The following CHPF2 variants were observed in gnomAD, a reference collection of about 807,000 sequenced individuals.
The protein encoded by CHPF2 is chondroitin polymerizing factor 2, also known as chondroitin polymerizing factor 2, non-catalytic subunit.
CHPF2 carries 58 observed loss-of-function variants against 63.0 expected under a neutral mutation model. The observed-to-expected ratio is 0.92, with a 90% confidence interval of 0.75 to 1.15. CHPF2 has a LOEUF of 1.15. Among genes scored for constraint, CHPF2 ranks in the 50% most tolerant of loss-of-function variants. The pLI is 0.00. For synonymous variants in CHPF2, 442 were observed against 438.0 expected, an observed-to-expected ratio of 1.01 and a Z score of -0.11; for missense variants, 1,045 against 1,035.4, an observed-to-expected ratio of 1.01 and a Z score of -0.13.
Position 151,234,114 on chromosome 7 carries a change from C to T in CHPF2, c.103C>T (p.Gln35Ter). Reference sequence around the variant, plus strand: ...GAGCCTCCTGCGGGTTTCCTGGATCCAGGGGGAGGGAGAAGATCCCTGTGT... The same window carrying T: ...GAGCCTCCTGCGGGTTTCCTGGATCTAGGGGGAGGGAGAAGATCCCTGTGT... ...SLSLLRVSWIQGEGEDPCVEA... is the reference protein window; with the variant it reads ...SLSLLRVSWI Residue 35 changes from glutamine (Q) to a stop codon, truncating the protein, a stop_gained, in exon 1 of 4, where the codon CAG becomes TAG. Transcript: ENST00000035307. LOFTEE classifies it high-confidence loss of function. 1 of 1,610,878 alleles carries T rather than the reference C, an allele frequency of 6.2e-7. No individual in the cohort carries two copies. Among genetic ancestry groups the T allele is most frequent in the Admixed American group, 1.7e-5 (1 of 59,582 alleles).
intron 2 of CHPF2, among the ~76,000 whole-genome samples, chr7:151,236,040 T>C (rs1802635466): frequency 6.6e-6 from 1 of 152,166 alleles, no homozygotes; most frequent in African/African-American, 2.4e-5. Flanking sequence ...AACCAAAGTA[T>C]TGGGAGGATT....
At position 151,233,098 on chromosome 7, in the gene CHPF2, G is replaced by A; in HGVS notation, c.-914G>A. On this transcript the variant is annotated 5_prime_UTR_variant, in exon 1 of 4. Transcript: ENST00000035307. ...GACCCTGGCATTGTCTCTAGTTGCT[G>A]CTTGTGCTCTCTCTTTGCTTTTGGT... 3.3e-6 allele frequency: 4 copies of A among 1,205,298 alleles called. No individual in the cohort carries two copies. Among genetic ancestry groups the A allele is most frequent in the Non-Finnish European group, 4.1e-6 (4 of 969,032 alleles). 74.7% of individuals were successfully genotyped at this position (1,205,298 alleles called of 1,614,324 possible). A position where few individuals can be genotyped will look rare whatever the true frequency, so the allele number is the denominator to read the frequency against.
At chr7:151,236,945 T>C in intron 3 of CHPF2, 2 of 524,540 alleles carry the variant, frequency 3.8e-6, no homozygotes, top group Non-Finnish European at 7.3e-6. Context: ...CTGAAGTTTC[T>C]TTACTTCTAG....
Position 151,233,030 on chromosome 7 carries a change from G to A in CHPF2, c.-982G>A, listed in dbSNP as rs1802517606. On this transcript the variant is annotated 5_prime_UTR_variant, in exon 1 of 4. Coordinates refer to ENST00000035307, the MANE Select transcript of CHPF2 (RefSeq NM_019015.3). Reference sequence around the variant, plus strand: ...CGCAGGGGCTGTGGGCCCCCGGCAGGGGTCCTGTCGGAAGCTGGCCGCGCT... The same window carrying A: ...CGCAGGGGCTGTGGGCCCCCGGCAGAGGTCCTGTCGGAAGCTGGCCGCGCT... The A allele has an allele frequency of 7.9e-7, 1 of 1,262,310 alleles. No homozygotes were observed. Among genetic ancestry groups the A allele is most frequent in the East Asian group, 3.2e-5 (1 of 31,400 alleles). 78.2% of individuals were successfully genotyped at this position (1,262,310 alleles called of 1,614,324 possible). A position where few individuals can be genotyped will look rare whatever the true frequency, so the allele number is the denominator to read the frequency against.
At position 151,238,614 on chromosome 7, in the gene CHPF2, A is replaced by T. The variant is rs780617951; in HGVS notation, c.2252A>T (p.Glu751Val). 17 of 1,612,154 alleles carry T rather than the reference A, an allele frequency of 1.1e-5. No individual in the cohort carries two copies. The highest frequency in any genetic ancestry group is 1.6e-4 in the Middle Eastern group (1 of 6,062). The change falls in exon 4 of 4, where the codon GAG (glutamate) becomes GTG (valine). Residue 751 changes from glutamate to valine, a missense_variant. Coordinates refer to ENST00000035307, the MANE Select transcript of CHPF2 (RefSeq NM_019015.3). ...LYHRCRLSNL[E>V]GLGGRAQLAM... ...CACCGCTGCCGCCTCAGCAACCTGG[A>T]GGGGCTAGGGGGCCGTGCCCAGCTG...
At chr7:151,234,352 C>A in intron 1 of CHPF2, 78 bp downstream of exon 1, 1 of 1,154,696 alleles carries the variant, frequency 8.7e-7, no homozygotes, top group Admixed American at 3.0e-5. Flanking sequence ...TCTGCCTTTC[C>A]ATTGGCAATC....
Position 151,237,852 on chromosome 7 carries a change from T to G in CHPF2, c.1490T>G (p.Val497Gly). 6.2e-7 allele frequency: 1 copy of G among 1,612,674 alleles called. No individual in the cohort carries two copies. Among genetic ancestry groups the G allele is most frequent in the Admixed American group, 1.7e-5 (1 of 60,016 alleles). The change falls in exon 4 of 4, where the codon GTG becomes GGG. Residue 497 changes from valine (V) to glycine (G), a missense_variant. By Grantham distance (109) the Val-to-Gly change is moderately radical. Transcript: ENST00000035307. ...GTGCAGCTGGTGCTGCCACTCCTGG[T>G]GGCTGAAGCTGCTGCAGCCCCGGCT... is the stretch of plus-strand genomic sequence containing the variant. ...TRVQLVLPLLVAEAAAAPAFL... is the reference protein window; with the variant it reads ...TRVQLVLPLLGAEAAAAPAFL...
chr7:151,236,813 C>G (rs879233539), intron 3 of CHPF2: 15 of 595,462 alleles, frequency 2.5e-5, no homozygotes, highest in African/African-American at 2.4e-4. Flanking sequence ...CCCAGCACAA[C>G]TTGAATGCAG....
chr7:151,237,634 C>T lies in CHPF2; in HGVS notation c.1272C>T (p.Phe424=). ...LNRRYQPRLR[F]QKQRLLNGYR... Reference sequence around the variant, plus strand: ...GGCGCTATCAGCCCCGCCTGCGCTTCCAGAAGCAGCGACTGCTCAACGGCT... The same window carrying T: ...GGCGCTATCAGCCCCGCCTGCGCTTTCAGAAGCAGCGACTGCTCAACGGCT... Residue 424 remains phenylalanine, a synonymous_variant, in exon 4 of 4, where the codon TTC becomes TTT. Coordinates refer to ENST00000035307, the MANE Select transcript of CHPF2 (RefSeq NM_019015.3). 1 of 1,613,430 alleles carries T rather than the reference C, an allele frequency of 6.2e-7. No homozygotes were observed. The highest frequency in any genetic ancestry group is 8.5e-7 in the Non-Finnish European group (1 of 1,179,946).
chr7:151,235,273 C>T lies in CHPF2; in HGVS notation c.489C>T (p.Thr163=), dbSNP rs779992548. 5.6e-6 allele frequency: 9 copies of T among 1,613,610 alleles called. No homozygotes were observed. The East Asian group carries it at 2.0e-4, about 36-fold the overall frequency. ...GGCCCGCCTGGCTCATGTCAGAGAC[C>T]CTGCGCCACCTTCACACACACTTTG... ...DERPAWLMSE[T]LRHLHTHFGA... is the part of the protein sequence containing the mutation. Residue 163 remains threonine, a synonymous_variant, in exon 2 of 4, where the codon ACC becomes ACT. Transcript: ENST00000035307.
At chr7:151,234,365 C>T (rs1802564712) in intron 1 of CHPF2, 91 bp downstream of exon 1, 27 of 989,926 alleles carry the variant, frequency 2.7e-5, no homozygotes, top group South Asian at 8.3e-5. Context: ...TGGCAATCGG[C>T]GTCGGGCGAC....
Position 151,238,762 on chromosome 7 carries a change from T to G in CHPF2, c.*81T>G. On this transcript the variant is annotated 3_prime_UTR_variant, in exon 4 of 4. Transcript: ENST00000035307. ...AGGGCAAGGCAAGATGGTGGACAGA[T>G]AGAGAATTGTTGCTGTATTTTTTAA... is the stretch of plus-strand genomic sequence containing the variant. 1 of 1,589,064 alleles carries G rather than the reference T, an allele frequency of 6.3e-7. No individual in the cohort carries two copies. Among genetic ancestry groups the G allele is most frequent in the Non-Finnish European group, 8.5e-7 (1 of 1,170,844 alleles).
In CHPF2 at chr7:151,236,865, C is replaced by T. The variant is rs112310377; in HGVS notation, c.1011+275C>T. On this transcript the variant is annotated intron_variant, in intron 3 of 3. Coordinates refer to ENST00000035307, the MANE Select transcript of CHPF2 (RefSeq NM_019015.3). ...GTAGACTCTGAGGATCAGGAAGCTC[C>T]GCACAGTGTTCAGACAGAATAGTTT... 194 of 584,326 alleles carry T rather than the reference C, an allele frequency of 3.3e-4. 1 individual carries two copies. The highest frequency in any genetic ancestry group is 1.7e-3 in the Middle Eastern group (6 of 3,608). 36.2% of individuals were successfully genotyped at this position (584,326 alleles called of 1,614,324 possible). A position where few individuals can be genotyped will look rare whatever the true frequency, so the allele number is the denominator to read the frequency against.
Position 151,234,157 on chromosome 7 carries a change from G to A in CHPF2, c.146G>A (p.Arg49Gln), listed in dbSNP as rs765312140. Reference sequence around the variant, plus strand: ...CCCTGTGTCGAGGCTGTAGGGGAGCGAGGAGGGCCACAGAATCCAGATTCC... The same window carrying A: ...CCCTGTGTCGAGGCTGTAGGGGAGCAAGGAGGGCCACAGAATCCAGATTCC... ...EDPCVEAVGERGGPQNPDSRA... is the reference protein window; with the variant it reads ...EDPCVEAVGEQGGPQNPDSRA... The change falls in exon 1 of 4, where the codon CGA becomes CAA. Residue 49 changes from arginine (R) to glutamine (Q), a missense_variant. Arg to Gln is a conservative substitution (Grantham distance 43). Transcript: ENST00000035307. 3.1e-6 allele frequency: 5 copies of A among 1,613,568 alleles called. No homozygotes were observed. The Admixed American group carries it at 6.7e-5, about 22-fold the overall frequency.
Position 151,237,697 on chromosome 7 carries a change from C to T in CHPF2, c.1335C>T (p.Thr445=), listed in dbSNP as rs774074910. The T allele has an allele frequency of 2.9e-5, 47 of 1,612,922 alleles. No individual in the cohort carries two copies. Among genetic ancestry groups the T allele is most frequent in the Non-Finnish European group, 3.8e-5 (45 of 1,179,928 alleles). The change falls in exon 4 of 4, where the codon ACC becomes ACT. Residue 445 remains threonine, a synonymous_variant. Transcript: ENST00000035307. ...ACCCAGCACGGGGCATGGAGTACAC[C>T]CTGGACCTGCTGTTGGAATGTGTGA... ...RFDPARGMEY[T]LDLLLECVTQ...
In CHPF2 at chr7:151,238,320, A is replaced by T; in HGVS notation, c.1958A>T (p.Asp653Val). Residue 653 changes from aspartate (D) to valine (V), a missense_variant, in exon 4 of 4, where the codon GAC becomes GTC. By Grantham distance (152) the Asp-to-Val change is radical. Transcript: ENST00000035307. ...GACCCCCCCTCCCCTCCTGGTGCTGACCCCTCCCGGGGGGCTCCTATAGGG... is the reference window on the plus strand; with the variant it reads ...GACCCCCCCTCCCCTCCTGGTGCTGTCCCCTCCCGGGGGGCTCCTATAGGG... The part of the protein sequence containing the change: ...GPDPPSPPGA[D>V]PSRGAPIGGR... The T allele has an allele frequency of 6.2e-7, 1 of 1,606,600 alleles. No homozygotes were observed. The highest frequency in any genetic ancestry group is 8.5e-7 in the Non-Finnish European group (1 of 1,176,426).
Position 151,232,890 on chromosome 7 carries a change from C to CT in CHPF2, c.-1120dup. On this transcript the variant is annotated 5_prime_UTR_variant, in exon 1 of 4. It removes the in-frame stop codon of an upstream open reading frame in the 5' UTR. Transcript: ENST00000035307. ...GACCCGAGCTGGTCTCCCGAGCCCC[C>CT]TTCTCAGCAGCCCGGTGACGTGGCC... The CT allele has an allele frequency of 7.2e-6, 10 of 1,382,638 alleles. No homozygotes were observed. The highest frequency in any genetic ancestry group is 9.3e-6 in the Non-Finnish European group (10 of 1,073,050). The allele number at this position is 1,382,638 out of a possible 1,614,324, so 85.6% of individuals were successfully genotyped here. A position where few individuals can be genotyped will look rare whatever the true frequency, so the allele number is the denominator to read the frequency against.
Position 151,236,398 on chromosome 7 carries a change from G to A in CHPF2, c.829-10G>A, listed in dbSNP as rs757528109. 2.6e-6 allele frequency: 4 copies of A among 1,557,806 alleles called. No individual in the cohort carries two copies. In the Admixed American group the frequency reaches 7.4e-5, roughly 29 times the overall value. On this transcript the variant is annotated splice_polypyrimidine_tract_variant and intron_variant, in intron 2 of 3. Coordinates refer to ENST00000035307, the MANE Select transcript of CHPF2 (RefSeq NM_019015.3). The stretch of plus-strand genomic sequence containing the variant: ...GTGTGTGTCATTGATTGGTCTGATT[G>A]TCCCTCTAGGGGCAGCAGTATCGCT...
chr7:151,233,716 A>T lies in CHPF2; in HGVS notation c.-296A>T, dbSNP rs558726210. On this transcript the variant is annotated 5_prime_UTR_variant, in exon 1 of 4. Coordinates refer to ENST00000035307, the MANE Select transcript of CHPF2 (RefSeq NM_019015.3). Reference sequence around the variant, plus strand: ...TTTTACTTCCTCCTCTTTTTAGTGGAAGACAGACCATAATCCCAGTGTGAG... The same window carrying T: ...TTTTACTTCCTCCTCTTTTTAGTGGTAGACAGACCATAATCCCAGTGTGAG... The T allele has an allele frequency of 7.0e-6, 8 of 1,139,694 alleles. No individual in the cohort carries two copies. The Admixed American group carries it at 2.9e-4, about 41-fold the overall frequency. The allele number at this position is 1,139,694 out of a possible 1,614,324, so 70.6% of individuals were successfully genotyped here. A position where few individuals can be genotyped will look rare whatever the true frequency, so the allele number is the denominator to read the frequency against.
Sources: allele counts gnomAD v4.1 joint callset (sites outside exome capture counted in the v4.1 genomes callset), GRCh38; gene constraint gnomAD v4.1.1; transcripts MANE v1.5; gene names NCBI Gene and HGNC (gene_info 2026-07-23, HGNC 2026-07-21).